PLPP4: variants seen among roughly 807,000 people sequenced by gnomAD.
The protein encoded by PLPP4 is diacylglycerol pyrophosphate like 2.
Under a neutral mutation model 32.2 loss-of-function variants are expected in PLPP4, and 20 were observed. That is an observed-to-expected ratio of 0.62 (90% CI 0.44 to 0.90). PLPP4 has a LOEUF of 0.90. Ranked by LOEUF, PLPP4 falls within the 40% of genes least tolerant of loss-of-function variation. The pLI, the probability that PLPP4 is intolerant of heterozygous loss-of-function variation, is 0.00. For missense variants in PLPP4, 257 were observed against 353.1 expected, an observed-to-expected ratio of 0.73 and a Z score of 2.18; for synonymous variants, 127 against 133.0, an observed-to-expected ratio of 0.95 and a Z score of 0.31.
At chr10:120,559,869 A>T (rs1283107126) in intron 5 of PLPP4, among the ~76,000 whole-genome samples, 1 of 152,236 alleles carries the variant, frequency 6.6e-6, no homozygotes, top group African/African-American at 2.4e-5. Flanking sequence ...ACGTGGCATC[A>T]TTCGCAGTCA....
At chr10:120,511,957 G>A (rs1845745566) in intron 2 of PLPP4, among the ~76,000 whole-genome samples, 1 of 152,078 alleles carries the variant, frequency 6.6e-6, no homozygotes, top group Non-Finnish European at 1.5e-5. Context: ...AGCCGGGCGT[G>A]GTGGCGGGCG....
chr10:120,559,640 A>G (rs1265208815), intron 5 of PLPP4, among the ~76,000 whole-genome samples: 2 of 152,002 alleles, frequency 1.3e-5, no homozygotes, highest in African/African-American at 2.4e-5. Context: ...CAATGAATAT[A>G]TTGAAAATTT....
At chr10:120,535,084 C>G (rs951559733) in intron 5 of PLPP4, among the ~76,000 whole-genome samples, 7 of 152,058 alleles carry the variant, frequency 4.6e-5, no homozygotes, top group African/African-American at 1.4e-4. Flanking sequence ...GTACTAGTCA[C>G]CTTGCATTCT....
chr10:120,553,815 C>T (rs1004635966), intron 5 of PLPP4, among the ~76,000 whole-genome samples: 3 of 152,216 alleles, frequency 2.0e-5, no homozygotes, highest in Non-Finnish European at 4.4e-5. Context: ...GCCATGTCCC[C>T]AGGTTACTCA....
chr10:120,526,948 C>T (rs972515930), intron 5 of PLPP4, among the ~76,000 whole-genome samples: 15 of 149,654 alleles, frequency 1.0e-4, no homozygotes, highest in Admixed American at 4.6e-4. Flanking sequence ...CTCTGCAAGT[C>T]AGTATCTACT....
At chr10:120,574,570 T>A (rs984417412) in intron 5 of PLPP4, among the ~76,000 whole-genome samples, 4 of 152,228 alleles carry the variant, frequency 2.6e-5, no homozygotes, top group African/African-American at 9.6e-5. Context: ...CTCACTCTTT[T>A]GTAGCATTTG....
chr10:120,497,948 G>A (rs1208266697), intron 1 of PLPP4, among the ~76,000 whole-genome samples: 2 of 152,114 alleles, frequency 1.3e-5, no homozygotes, highest in African/African-American at 4.8e-5. Flanking sequence ...CCTGAGGCAG[G>A]AGAATGGCGT....
chr10:120,538,038 C>G (rs868184082), intron 5 of PLPP4, among the ~76,000 whole-genome samples: 5,308 of 46,904 alleles, frequency 0.11, 1,490 homozygotes, highest in Non-Finnish European at 0.17. Context: ...CTCTCTCTCT[C>G]TCTCTCTCTC....
At chr10:120,491,942 G>T (rs1241031438) in intron 1 of PLPP4, among the ~76,000 whole-genome samples, 2 of 152,116 alleles carry the variant, frequency 1.3e-5, no homozygotes, top group Admixed American at 6.6e-5. Context: ...TTTGAATCAG[G>T]ATCCAAATAA....
intron 1 of PLPP4, among the ~76,000 whole-genome samples, chr10:120,477,471 T>C (rs1272710353): frequency 6.6e-6 from 1 of 152,172 alleles, no homozygotes; most frequent in Non-Finnish European, 1.5e-5. Flanking sequence ...AGCAAGATGC[T>C]TTGAAAATCA....
intron 5 of PLPP4, among the ~76,000 whole-genome samples, chr10:120,563,538 C>T (rs1462976182): frequency 1.3e-5 from 2 of 149,408 alleles, no homozygotes; most frequent in African/African-American, 5.1e-5. Flanking sequence ...CGGTGGCTCA[C>T]GCCTGTAATC....
chr10:120,503,671 T>C, intron 1 of PLPP4, 147 bp from the exon 2 acceptor site: 1 of 1,593,366 alleles, frequency 6.3e-7, no homozygotes, highest in Non-Finnish European at 8.6e-7. Flanking sequence ...TTGAACCAGC[T>C]GAGAACTGAC....
rs1846039706 is a variant in PLPP4, at chr10:120,518,859, G to A, written c.283G>A (p.Gly95Arg). The A allele has an allele frequency of 6.2e-7, 1 of 1,612,798 alleles. No homozygotes were observed. The highest frequency in any genetic ancestry group is 1.7e-5 in the Admixed American group (1 of 59,904). The change falls in exon 4 of 7, where the codon GGA (glycine) becomes AGA (arginine). Residue 95 changes from glycine (G) to arginine (R), a missense_variant. Coordinates refer to ENST00000398250, the MANE Select transcript of PLPP4 (RefSeq NM_001030059.3). ...GGTGTCCTTGGCTCTTGCTTTGAAT[G>A]GAGTCTGCACAAACACTATTAAATT... Reference protein sequence around the residue: ...LAVSLALALNGVCTNTIKLIV... With the variant: ...LAVSLALALNRVCTNTIKLIV...
At chr10:120,536,414 G>T (rs1210909199) in intron 5 of PLPP4, among the ~76,000 whole-genome samples, 3 of 152,000 alleles carry the variant, frequency 2.0e-5, no homozygotes, top group Non-Finnish European at 4.4e-5. Context: ...TTTTGACAAA[G>T]ACTCCAACAA....
chr10:120,528,067 C>T (rs1415991994), intron 5 of PLPP4, among the ~76,000 whole-genome samples: 4 of 137,772 alleles, frequency 2.9e-5, no homozygotes, highest in Non-Finnish European at 6.1e-5. Context: ...ATACCACTCT[C>T]CGTTTTTTTT....
At position 120,468,221 on chromosome 10, in the gene PLPP4, G is replaced by A. The variant is rs1349635306; in HGVS notation, c.56+10860G>A. On this transcript the variant is annotated intron_variant, in intron 1 of 6. Transcript: ENST00000398250. ...ATAGTGTGTACGTGTCTTTATTATA[G>A]AATGTAAATATGTGATTCCATAGCA... Among the ~76,000 whole-genome samples, 4 of 65,030 alleles carry A rather than the reference G, an allele frequency of 6.2e-5. 1 individual carries two copies. The highest frequency in any genetic ancestry group is 1.3e-4 in the African/African-American group (4 of 30,506). The allele number at this position is 65,030 out of a possible 152,430, so 42.7% of individuals were successfully genotyped here. A position where few individuals can be genotyped will look rare whatever the true frequency, so the allele number is the denominator to read the frequency against.
At chr10:120,476,471 T>C (rs1012236105) in intron 1 of PLPP4, among the ~76,000 whole-genome samples, 8 of 152,172 alleles carry the variant, frequency 5.3e-5, no homozygotes, top group Non-Finnish European at 8.8e-5. Context: ...CATTTGCCCA[T>C]AGTCATTTGC....
intron 5 of PLPP4, among the ~76,000 whole-genome samples, chr10:120,572,632 G>T (rs762581650): frequency 4.6e-5 from 7 of 152,120 alleles, no homozygotes; most frequent in Admixed American, 6.5e-5. Flanking sequence ...AGTGTAATTA[G>T]GTGGATAAAC....
At position 120,590,368 on chromosome 10, in the gene PLPP4, G is replaced by A. The variant is rs1849957293; in HGVS notation, c.*866G>A. Among the ~76,000 whole-genome samples the A allele has an allele frequency of 6.6e-6, 1 of 152,212 alleles. No individual in the cohort carries two copies. The highest frequency in any genetic ancestry group is 1.5e-5 in the Non-Finnish European group (1 of 68,044). On this transcript the variant is annotated 3_prime_UTR_variant, in exon 7 of 7. Transcript: ENST00000398250. ...GGGCTCATCTCAAGGGAGTGGCTGAGTGGCCATTGGGGATAAGAAGCAACT... is the reference window on the plus strand; with the variant it reads ...GGGCTCATCTCAAGGGAGTGGCTGAATGGCCATTGGGGATAAGAAGCAACT...
Sources: gnomAD v4.1 joint callset for allele counts (sites outside exome capture counted in the v4.1 genomes callset) on GRCh38, gnomAD v4.1.1 for gene constraint, MANE v1.5 for transcripts, NCBI Gene and HGNC (gene_info 2026-07-23, HGNC 2026-07-21) for gene names.